The following ANO2 variants were observed in gnomAD, a reference collection of about 807,000 sequenced individuals.
ANO2 encodes the protein anoctamin-2.
Under a neutral mutation model 124.2 loss-of-function variants are expected in ANO2, and 101 were observed. That is an observed-to-expected ratio of 0.81 (90% CI 0.69 to 0.96). The LOEUF (loss-of-function observed/expected upper bound fraction) is 0.96. Ranked by LOEUF, ANO2 falls within the 40% of genes least tolerant of loss-of-function variation. The pLI, the probability that ANO2 is intolerant of heterozygous loss-of-function variation, is 0.00. For synonymous variants in ANO2, 486 were observed against 482.5 expected (o/e 1.01, Z -0.09); for missense variants, 1,293 against 1,274.5 (o/e 1.01, Z -0.22).
At chr12:5,804,858 G>C (rs1420076651) in intron 9 of ANO2, among the ~76,000 whole-genome samples, 2 of 152,062 alleles carry the variant, frequency 1.3e-5, no homozygotes, top group Admixed American at 1.3e-4. Context: ...TCCTAGACAG[G>C]CTGGGGTCAC....
chr12:5,867,778 G>GAAAAGAA (rs752416831), intron 3 of ANO2, among the ~76,000 whole-genome samples: 13 of 78,550 alleles, frequency 1.7e-4, no homozygotes, highest in South Asian at 6.1e-4. Context: ...GCACTATAAT[G>GAAAAGAA]AAAAAAAAAA....
At chr12:5,797,407 A>T (rs1952896622) in intron 10 of ANO2, among the ~76,000 whole-genome samples, 1 of 152,100 alleles carries the variant, frequency 6.6e-6, no homozygotes, top group Non-Finnish European at 1.5e-5. Flanking sequence ...GAGGAAGGAG[A>T]GGACTTGGAC....
Position 5,680,641 on chromosome 12 carries a change from C to T in ANO2, c.1546-32840G>A, listed in dbSNP as rs114060044. ...AAGCTGCATTATAAAGTAGTGAATT[C>T]GACATCCCTAGAAGTATTCAAACAG... is the stretch of plus-strand genomic sequence containing the variant. On this transcript the variant is annotated intron_variant, in intron 14 of 24. Transcript: ENST00000682330. 6.8e-3 allele frequency among the ~76,000 whole-genome samples: 1,036 copies of T among 152,276 alleles called. 13 individuals carry two copies. The highest frequency in any genetic ancestry group is 0.023 in the African/African-American group (963 of 41,550).
intron 3 of ANO2, among the ~76,000 whole-genome samples, chr12:5,892,283 T>C (rs1045516508): frequency 1.3e-5 from 2 of 152,104 alleles, no homozygotes; most frequent in African/African-American, 4.8e-5. Context: ...TGGAGACCTA[T>C]AAGGCAAACC....
intron 14 of ANO2, among the ~76,000 whole-genome samples, chr12:5,655,290 T>C (rs1274754716): frequency 6.6e-6 from 1 of 152,218 alleles, no homozygotes; most frequent in Admixed American, 6.5e-5. Context: ...CCGCCTTTCC[T>C]TTAAATCTCA....
At chr12:5,848,233 G>T (rs575490849) in intron 4 of ANO2, among the ~76,000 whole-genome samples, 2 of 152,008 alleles carry the variant, frequency 1.3e-5, no homozygotes, top group South Asian at 2.1e-4. Flanking sequence ...TCCTATAGAC[G>T]ACTGTGAGCC....
intron 3 of ANO2, among the ~76,000 whole-genome samples, chr12:5,892,361 A>T (rs1939477948): frequency 6.6e-6 from 1 of 152,228 alleles, no homozygotes; most frequent in African/African-American, 2.4e-5. Context: ...CATAGAAAAA[A>T]ATTTGAAAAT....
chr12:5,885,138 A>G (rs968321276), intron 3 of ANO2, among the ~76,000 whole-genome samples: 18 of 152,344 alleles, frequency 1.2e-4, no homozygotes, highest in African/African-American at 4.1e-4. Context: ...CCTGGAAGCT[A>G]TGAAGCCAGT....
chr12:5,847,169 C>T (rs987838985), intron 4 of ANO2, among the ~76,000 whole-genome samples: 1 of 152,176 alleles, frequency 6.6e-6, no homozygotes, highest in African/African-American at 2.4e-5. Flanking sequence ...CGGAATAGAA[C>T]AAAAAGGCTG....
chr12:5,883,408 G>A (rs931439618), intron 3 of ANO2, among the ~76,000 whole-genome samples: 4 of 152,106 alleles, frequency 2.6e-5, no homozygotes, highest in African/African-American at 9.7e-5. Context: ...TGCATCCTGA[G>A]TAAACTTCTC....
intron 14 of ANO2, among the ~76,000 whole-genome samples, chr12:5,650,398 A>G (rs1946861770): frequency 6.6e-6 from 1 of 152,160 alleles, no homozygotes; most frequent in Non-Finnish European, 1.5e-5. Flanking sequence ...ACCCCTTCTC[A>G]TGTTTACATT....
At chr12:5,853,996 C>G in intron 4 of ANO2, 47 bp downstream of exon 4, 1 of 1,515,624 alleles carries the variant, frequency 6.6e-7, no homozygotes, top group Non-Finnish European at 9.1e-7. Flanking sequence ...TATTTGCATC[C>G]ATCCAGCCCT....
chr12:5,612,652 A>G lies in ANO2; in HGVS notation c.2087+4T>C, dbSNP rs780746316. 4 of 1,613,018 alleles carry G rather than the reference A, an allele frequency of 2.5e-6. No homozygotes were observed. Among genetic ancestry groups the G allele is most frequent in the South Asian group, 2.2e-5 (2 of 91,060 alleles). ...GAGAGAGGTTAGAGGAGTTCATTAC[A>G]TACGGGACTCCAATCTCAAAGATGT... is the stretch of plus-strand genomic sequence containing the variant. On this transcript the variant is annotated splice_donor_region_variant and intron_variant, in intron 19 of 24. Coordinates refer to ENST00000682330, the MANE Select transcript of ANO2 (RefSeq NM_001364791.2).
At position 5,769,268 on chromosome 12, in the gene ANO2, C is replaced by G. The variant is rs17724128; in HGVS notation, c.1056-18298G>C. Among the ~76,000 whole-genome samples the G allele has an allele frequency of 0.026, 3,968 of 152,186 alleles. 73 individuals carry two copies. Among genetic ancestry groups the G allele is most frequent in the Middle Eastern group, 0.082 (24 of 292 alleles). On this transcript the variant is annotated intron_variant, in intron 10 of 24. Transcript: ENST00000682330. This position sits in a 1 kb window ranked among gnomAD's most constrained non-coding sequence, Gnocchi z 4.0. ...GAGCAAGGGAGGCTGCAGAGCCAGGCTGATGGGGTACAGGTGGGACCAGGA... is the reference window on the plus strand; with the variant it reads ...GAGCAAGGGAGGCTGCAGAGCCAGGGTGATGGGGTACAGGTGGGACCAGGA...
At chr12:5,830,319 CA>C in intron 6 of ANO2, 115 bp downstream of exon 6, 1 of 1,048,298 alleles carries the variant, frequency 9.5e-7, no homozygotes. Context: ...TGTTGCTAGG[CA>C]ACTCCAAGCA....
rs367765787 is a variant in ANO2, at chr12:5,581,293, G to T, written c.2234-2775C>A. On this transcript the variant is annotated intron_variant, in intron 20 of 24. Coordinates refer to ENST00000682330, the MANE Select transcript of ANO2 (RefSeq NM_001364791.2). ...TTCTTATCATGAGTGACTTCCTCCA[G>T]CAGAAATGTGCAAACTCCCCAGAGC... Among the ~76,000 whole-genome samples the T allele has an allele frequency of 1.3e-4, 20 of 152,268 alleles. No individual in the cohort carries two copies. The East Asian group carries it at 3.9e-3, about 29-fold the overall frequency.
intron 3 of ANO2, among the ~76,000 whole-genome samples, chr12:5,890,027 C>A (rs1382232604): frequency 6.6e-6 from 1 of 151,452 alleles, no homozygotes; most frequent in Non-Finnish European, 1.5e-5. Context: ...AGTCTGTGGC[C>A]CTGGGGCTTA....
intron 16 of ANO2, among the ~76,000 whole-genome samples, chr12:5,622,425 G>A (rs949659209): frequency 5.3e-5 from 8 of 152,162 alleles, no homozygotes; most frequent in Non-Finnish European, 1.0e-4. Flanking sequence ...TCCAATAAAC[G>A]ATCCAAATCC....
At chr12:5,883,257 G>A (rs1290249498) in intron 3 of ANO2, among the ~76,000 whole-genome samples, 1 of 152,108 alleles carries the variant, frequency 6.6e-6, no homozygotes, top group African/African-American at 2.4e-5. Flanking sequence ...TAGAACTCAG[G>A]TTCACCTGAG....
Sources: gnomAD v4.1 joint callset for allele counts (sites outside exome capture counted in the v4.1 genomes callset) on GRCh38, gnomAD v4.1.1 for gene constraint, Gnocchi (gnomAD v3.1) non-coding constraint, MANE v1.5 for transcripts, NCBI Gene and HGNC (gene_info 2026-07-23, HGNC 2026-07-21) for gene names.